TRIM2: variants seen among roughly 807,000 people sequenced by gnomAD.
TRIM2 encodes tripartite motif-containing protein 2.
Under a neutral mutation model 75.2 loss-of-function variants are expected in TRIM2, and 20 were observed. The observed-to-expected ratio is 0.27, with a 90% CI of 0.19 to 0.39. TRIM2 has a LOEUF of 0.39. Ranked by LOEUF, TRIM2 falls within the 10% of genes least tolerant of loss-of-function variation. TRIM2 has a pLI of 1.00. For missense variants in TRIM2, 660 were observed against 990.8 expected, an observed-to-expected ratio of 0.67 and a Z score of 4.48; for synonymous variants, 373 against 388.3, an observed-to-expected ratio of 0.96 and a Z score of 0.46.
intron 1 of TRIM2, among the ~76,000 whole-genome samples, chr4:153,186,334 C>T (rs1353034232): frequency 6.6e-6 from 1 of 152,066 alleles, no homozygotes; most frequent in African/African-American, 2.4e-5. Flanking sequence ...TTTGGTGAAG[C>T]TAACTTTAAC....
upstream of TRIM2, among the ~76,000 whole-genome samples, chr4:153,203,522 A>G (rs1231246034): frequency 6.6e-6 from 1 of 151,706 alleles, no homozygotes; most frequent in Non-Finnish European, 1.5e-5. Context: ...AGATGTACCA[A>G]TCTTGCAGTG....
chr4:153,252,471 G>A (rs910284220), intron 1 of TRIM2, among the ~76,000 whole-genome samples: 3 of 152,104 alleles, frequency 2.0e-5, no homozygotes, highest in Admixed American at 1.3e-4. Context: ...TGCTCTACCC[G>A]TTTCTGGGTT....
rs551977577 is a variant in TRIM2 at position 153,336,784 on chromosome 4, A to C, written c.*1818A>C. The C allele has an allele frequency of 2.0e-6, 2 of 985,710 alleles. No homozygotes were observed. Among genetic ancestry groups the C allele is most frequent in the African/African-American group, 3.5e-5 (2 of 57,356 alleles). The allele number at this position is 985,710 out of a possible 1,614,324, so 61.1% of individuals were successfully genotyped here. On this transcript the variant is annotated 3_prime_UTR_variant, in exon 12 of 12. Transcript: ENST00000338700. ...CTGTTAAATTTATTATGCCCAAATC[A>C]ACCTCTGAAAAAAGGTTTTTCCAGG...
intron 3 of TRIM2, among the ~76,000 whole-genome samples, chr4:153,286,129 A>G (rs899475003): frequency 1.3e-5 from 2 of 152,238 alleles, no homozygotes; most frequent in Non-Finnish European, 1.5e-5. Flanking sequence ...GATGTATTAC[A>G]TACAGTAATT....
At chr4:153,283,666 G>C (rs201798185) in intron 3 of TRIM2, among the ~76,000 whole-genome samples, 3,514 of 145,420 alleles carry the variant, frequency 0.024, 66 homozygotes, top group South Asian at 0.049. Context: ...TTGAGACAGA[G>C]TTGCTCTTTT....
At chr4:153,152,800 G>A (rs188985375), upstream of TRIM2, among the ~76,000 whole-genome samples, 83 of 152,280 alleles carry the variant, frequency 5.5e-4, no homozygotes, top group African/African-American at 1.8e-3. Flanking sequence ...CATTTGAAAT[G>A]CATGTTAGGT....
chr4:153,292,776 G>A (rs1276505694), intron 3 of TRIM2, among the ~76,000 whole-genome samples: 1 of 152,226 alleles, frequency 6.6e-6, no homozygotes, highest in Non-Finnish European at 1.5e-5. Flanking sequence ...TATGGTTATA[G>A]AAGCAGCTTA....
Position 153,161,578 on chromosome 4 carries a change from C to T in TRIM2, c.-49+8308C>T, listed in dbSNP as rs760687879. Among the ~76,000 whole-genome samples, 40 of 152,178 alleles carry T rather than the reference C, an allele frequency of 2.6e-4. 1 individual carries two copies. The highest frequency in any genetic ancestry group is 4.9e-4 in the Non-Finnish European group (33 of 68,016). On this transcript the variant is annotated intron_variant, in intron 1 of 11. Transcript: ENST00000437508. ...CATATGACATGATGCACAGCAGAAT[C>T]CTTGGGAATATTCTGCTCCCCTTGG...
At position 153,159,547 on chromosome 4, in the gene TRIM2, C is replaced by G. The variant is rs554038911; in HGVS notation, c.-49+6277C>G. Among the ~76,000 whole-genome samples, 3 of 152,162 alleles carry G rather than the reference C, an allele frequency of 2.0e-5. No individual in the cohort carries two copies. In the East Asian group the frequency reaches 5.8e-4, roughly 29 times the overall value. On this transcript the variant is annotated intron_variant, in intron 1 of 11. Coordinates refer to the TRIM2 transcript ENST00000437508. Reference sequence around the variant, plus strand: ...TCTTGAACTCCTGGGCTCAAGCGATCCTCCAGCTTCAGCCTCCCAAAGTGC... The same window carrying G: ...TCTTGAACTCCTGGGCTCAAGCGATGCTCCAGCTTCAGCCTCCCAAAGTGC...
intron 1 of TRIM2, among the ~76,000 whole-genome samples, chr4:153,227,270 T>C (rs944741200): frequency 1.4e-4 from 21 of 152,232 alleles, no homozygotes; most frequent in Middle Eastern, 3.2e-3. Flanking sequence ...AAGACTCTTG[T>C]TCAGTGCACG....
At chr4:153,155,542 G>A (rs1729152311) in intron 1 of TRIM2, among the ~76,000 whole-genome samples, 1 of 152,178 alleles carries the variant, frequency 6.6e-6, no homozygotes, top group Admixed American at 6.5e-5. Flanking sequence ...AAATGTGTGA[G>A]GGGCTGAGAA....
intron 1 of TRIM2, among the ~76,000 whole-genome samples, chr4:153,208,994 C>T (rs1382555235): frequency 6.6e-6 from 1 of 152,218 alleles, no homozygotes; most frequent in Non-Finnish European, 1.5e-5. Flanking sequence ...TCAATTCCTT[C>T]TTCCTAAGAT....
At position 153,273,270 on chromosome 4, in the gene TRIM2, C is replaced by CTTTTTTTT. The variant is rs72414117; in HGVS notation, c.216-2607_216-2600dup. Among the ~76,000 whole-genome samples, 96 of 57,384 alleles carry CTTTTTTTT rather than the reference C, an allele frequency of 1.7e-3. 8 individuals carry two copies. Among genetic ancestry groups the CTTTTTTTT allele is most frequent in the African/African-American group, 6.3e-3 (90 of 14,304 alleles). The allele number at this position is 57,384 out of a possible 152,430, so 37.6% of individuals were successfully genotyped here. A position where few individuals can be genotyped will look rare whatever the true frequency, so the allele number is the denominator to read the frequency against. On this transcript the variant is annotated intron_variant, in intron 2 of 11. Coordinates refer to ENST00000338700, the MANE Select transcript of TRIM2 (RefSeq NM_015271.5). Reference sequence around the variant, plus strand: ...ACTCAGTGAGCACCTTACAGTCACTCTTTTTTTTTTTTTTTTTTTTTTTGA... The same window carrying CTTTTTTTT: ...ACTCAGTGAGCACCTTACAGTCACTCTTTTTTTTTTTTTTTTTTTTTTTTTTTTTTTGA...
At chr4:153,194,347 T>C (rs1470231563) in intron 1 of TRIM2, among the ~76,000 whole-genome samples, 1 of 152,164 alleles carries the variant, frequency 6.6e-6, no homozygotes. Context: ...ATAAAGAGAA[T>C]GAACAACATT....
intron 1 of TRIM2, among the ~76,000 whole-genome samples, chr4:153,167,875 G>A (rs1455921113): frequency 6.6e-6 from 1 of 152,150 alleles, no homozygotes; most frequent in Non-Finnish European, 1.5e-5. Flanking sequence ...AAGTGATCCT[G>A]AATCCCTCTG....
upstream of TRIM2, chr4:153,152,520 C>T (rs531312675): frequency 6.6e-6 from 1 of 151,358 alleles, no homozygotes; most frequent in South Asian, 2.1e-4. Flanking sequence ...TGATTCCTTC[C>T]TGCTTGACAA....
chr4:153,255,958 G>A (rs1426267528), intron 1 of TRIM2, among the ~76,000 whole-genome samples: 1 of 152,192 alleles, frequency 6.6e-6, no homozygotes, highest in Non-Finnish European at 1.5e-5. Context: ...GGAGGGAAGA[G>A]AGAGATAGCT....
At chr4:153,270,303 A>G in intron 1 of TRIM2, 32 bp from the exon 2 acceptor site, 4 of 1,594,884 alleles carry the variant, frequency 2.5e-6, no homozygotes, top group Non-Finnish European at 3.4e-6. Context: ...AGATCATTAT[A>G]TGTTTTTCTG....
At chr4:153,264,383 C>T (rs889891510) in intron 1 of TRIM2, among the ~76,000 whole-genome samples, 1 of 152,132 alleles carries the variant, frequency 6.6e-6, no homozygotes, top group Non-Finnish European at 1.5e-5. Flanking sequence ...TCTTTACAGG[C>T]GAAGTCCACC....
Sources: gnomAD v4.1 joint callset for allele counts (sites outside exome capture counted in the v4.1 genomes callset) on GRCh38, gnomAD v4.1.1 for gene constraint, MANE v1.5 for transcripts, NCBI Gene and HGNC (gene_info 2026-07-23, HGNC 2026-07-21) for gene names.